The following CNNM2 variants were observed in gnomAD, a reference collection of about 807,000 sequenced individuals.
CNNM2 encodes metal transporter CNNM2.
CNNM2 carries 12 observed loss-of-function variants against 66.9 expected under a neutral mutation model. The ratio of observed to expected loss-of-function variants is 0.18; its 90% CI spans 0.11 to 0.29. The LOEUF (loss-of-function observed/expected upper bound fraction) is 0.29. CNNM2 is among the 10% of genes least tolerant of loss of function. CNNM2 has a pLI of 1.00. For missense variants in CNNM2, 705 were observed against 1,167.7 expected, an observed-to-expected ratio of 0.60 and a Z score of 5.77; for synonymous variants, 557 against 501.8, an observed-to-expected ratio of 1.11 and a Z score of -1.47.
At chr10:103,027,674 A>G (rs2064733426) in intron 1 of CNNM2, among the ~76,000 whole-genome samples, 2 of 152,226 alleles carry the variant, frequency 1.3e-5, no homozygotes, top group East Asian at 1.9e-4. Context: ...TTATAGCTGT[A>G]TAATTCCAAT....
At chr10:102,972,196 G>A (rs958778099) in intron 1 of CNNM2, among the ~76,000 whole-genome samples, 6 of 152,100 alleles carry the variant, frequency 3.9e-5, no homozygotes, top group African/African-American at 1.4e-4. Flanking sequence ...TTAATTCAGT[G>A]ATTCCTAATC....
At chr10:102,944,434 A>G (rs1846537653) in intron 1 of CNNM2, among the ~76,000 whole-genome samples, 1 of 152,068 alleles carries the variant, frequency 6.6e-6, no homozygotes, top group Non-Finnish European at 1.5e-5. Context: ...TTCTCTGCTT[A>G]TCTAATTCTC....
chr10:103,068,525 G>A, intron 4 of CNNM2, 104 bp from the exon 5 acceptor site: 1 of 938,122 alleles, frequency 1.1e-6, no homozygotes, highest in Non-Finnish European at 1.7e-6. Flanking sequence ...ATAGTGTTGG[G>A]AAAAGAAATC....
intron 4 of CNNM2, among the ~76,000 whole-genome samples, chr10:103,060,653 C>G (rs187754769): frequency 1.0e-3 from 154 of 152,288 alleles, no homozygotes; most frequent in African/African-American, 3.6e-3. Flanking sequence ...ATTCAAGACA[C>G]AGAACATAGT....
chr10:103,030,299 T>C (rs1213079720), intron 1 of CNNM2, among the ~76,000 whole-genome samples: 2 of 152,190 alleles, frequency 1.3e-5, no homozygotes, highest in Non-Finnish European at 2.9e-5. Flanking sequence ...GATTTGGTCT[T>C]TAATAAGATT....
chr10:102,977,442 AGTTT>A (rs2063652591), intron 1 of CNNM2, among the ~76,000 whole-genome samples: 1 of 152,190 alleles, frequency 6.6e-6, no homozygotes, highest in Non-Finnish European at 1.5e-5. Context: ...AACTGGGAAT[AGTTT>A]GTTTCTCAAA....
At chr10:103,065,179 G>A (rs1162419961) in intron 4 of CNNM2, among the ~76,000 whole-genome samples, 2 of 152,168 alleles carry the variant, frequency 1.3e-5, no homozygotes, top group Non-Finnish European at 2.9e-5. Context: ...GCCTTTGAGG[G>A]AGTCCCTTGA....
intron 1 of CNNM2, among the ~76,000 whole-genome samples, chr10:102,969,605 ACTACT>A (rs2063519487): frequency 6.6e-6 from 1 of 152,114 alleles, no homozygotes; most frequent in Non-Finnish European, 1.5e-5. Flanking sequence ...TTCAGAAAAC[ACTACT>A]CTATAATAGC....
chr10:102,928,351 C>T (rs1388196148), intron 1 of CNNM2, among the ~76,000 whole-genome samples: 6 of 152,094 alleles, frequency 3.9e-5, no homozygotes, highest in Non-Finnish European at 2.9e-5. Flanking sequence ...CTTTGGGAGG[C>T]CGAGGCGGGT....
intron 1 of CNNM2, among the ~76,000 whole-genome samples, chr10:103,022,106 T>G (rs2064594658): frequency 6.6e-6 from 1 of 152,206 alleles, no homozygotes; most frequent in Non-Finnish European, 1.5e-5. Context: ...TCTGACTTCT[T>G]ATATAAACAG....
At chr10:102,965,493 T>C (rs1350688206) in intron 1 of CNNM2, among the ~76,000 whole-genome samples, 1 of 152,224 alleles carries the variant, frequency 6.6e-6, no homozygotes, top group Non-Finnish European at 1.5e-5. Context: ...ACTATCTCAA[T>C]AGTTAATACT....
At chr10:103,053,671 C>A (rs958540365) in intron 2 of CNNM2, among the ~76,000 whole-genome samples, 10 of 152,254 alleles carry the variant, frequency 6.6e-5, no homozygotes, top group African/African-American at 2.4e-4. Flanking sequence ...TGTAGACCCA[C>A]ATAGCCTAAA....
At chr10:102,945,878 T>A (rs1220335105) in intron 1 of CNNM2, among the ~76,000 whole-genome samples, 1 of 152,146 alleles carries the variant, frequency 6.6e-6, no homozygotes, top group African/African-American at 2.4e-5. Flanking sequence ...GAATTTTGTT[T>A]AGTTTGCCTT....
At position 103,076,133 on chromosome 10, in the gene CNNM2, T is replaced by C. The variant is rs1392302728; in HGVS notation, c.2281T>C (p.Ser761Pro). 2 of 1,611,528 alleles carry C rather than the reference T, an allele frequency of 1.2e-6. No individual in the cohort carries two copies. The highest frequency in any genetic ancestry group is 2.2e-5 in the East Asian group (1 of 44,848). ...PRPCGLNHSD[S>P]LSRSDRIDAV... ...CCCATGTGGCTTGAATCACTCAGAC[T>C]CTCTCAGTCGAAGCGACCGGATTGA... Residue 761 changes from serine (S) to proline (P), a missense_variant, in exon 7 of 8, where the codon TCT becomes CCT. Ser to Pro is a moderately conservative substitution (Grantham distance 74). Around this residue, in one of 9 missense-constraint regions of CNNM2, gnomAD observed 194 missense variants for 227.6 expected, o/e 0.85. Coordinates refer to ENST00000369878, the MANE Select transcript of CNNM2 (RefSeq NM_017649.5).
rs557956778 is a variant in CNNM2, at chr10:102,945,553, C to T, written c.1621+25452C>T. Among the ~76,000 whole-genome samples the T allele has an allele frequency of 2.1e-4, 32 of 152,140 alleles. No homozygotes were observed. In the South Asian group the frequency reaches 2.7e-3, roughly 13 times the overall value. On this transcript the variant is annotated intron_variant, in intron 1 of 7. Transcript: ENST00000369878. ...CCTCTCCTGCTCCCCCCACTCCATC[C>T]CCCTGCGCCCCACAGTGTCCTTTAC...
chr10:102,968,320 G>C (rs2134212247), intron 1 of CNNM2, among the ~76,000 whole-genome samples: 1 of 152,104 alleles, frequency 6.6e-6, no homozygotes, highest in South Asian at 2.1e-4. Context: ...AATCTCGGCT[G>C]ACTGTAACCT....
Position 102,918,334 on chromosome 10 carries a change from C to A in CNNM2, c.-147C>A. On this transcript the variant is annotated 5_prime_UTR_variant, in exon 1 of 8. It adds an upstream start codon to the 5' untranslated region. Coordinates refer to ENST00000369878, the MANE Select transcript of CNNM2 (RefSeq NM_017649.5). The surrounding 1 kb of genome is among the most constrained non-coding windows in gnomAD (Gnocchi z 4.1). ...TCCCGCGAGCCTCGGGGTTCCTCAG[C>A]TGGCTGAGGTGGAGTCAGTGTCAGT... is the stretch of plus-strand genomic sequence containing the variant. 1.5e-6 allele frequency: 2 copies of A among 1,349,696 alleles called. No individual in the cohort carries two copies. Among genetic ancestry groups the A allele is most frequent in the Non-Finnish European group, 1.9e-6 (2 of 1,027,888 alleles). 83.6% of individuals were successfully genotyped at this position (1,349,696 alleles called of 1,614,324 possible).
At chr10:103,003,224 T>C (rs367957179) in intron 1 of CNNM2, among the ~76,000 whole-genome samples, 30 of 151,650 alleles carry the variant, frequency 2.0e-4, no homozygotes, top group African/African-American at 7.0e-4. Context: ...GCGATTCTCA[T>C]GGCCTCAGCC....
Position 103,056,826 on chromosome 10 carries a change from A to G in CNNM2, c.1935A>G (p.Ser645=). Residue 645 remains serine (S), a synonymous_variant, in exon 4 of 8, where the codon TCA becomes TCG. Transcript: ENST00000369878. ...EVEAFSPSQM[S]EKILLRLLKH... ...AAGCATTTAGCCCATCCCAGATGTC[A>G]GAGAAGATCCTTCTAAGGCTGCTAA... 1 of 1,614,032 alleles carries G rather than the reference A, an allele frequency of 6.2e-7. No homozygotes were observed. Among genetic ancestry groups the G allele is most frequent in the Non-Finnish European group, 8.5e-7 (1 of 1,179,886 alleles).
Sources: allele counts gnomAD v4.1 joint callset (sites outside exome capture counted in the v4.1 genomes callset), GRCh38; gene constraint gnomAD v4.1.1; regional missense constraint gnomAD v4.1.1; non-coding constraint Gnocchi (gnomAD v3.1); transcripts MANE v1.5; gene names NCBI Gene and HGNC (gene_info 2026-07-23, HGNC 2026-07-21).